The following LPP variants were observed in gnomAD, a reference collection of about 807,000 sequenced individuals.
The protein encoded by LPP is LIM domain containing preferred translocation partner in lipoma.
In LPP, 38 loss-of-function variants were observed where a neutral mutation model predicts 60.4. That is an observed-to-expected ratio of 0.63 (90% CI 0.49 to 0.83). The LOEUF is 0.83. LPP is among the 40% of genes least tolerant of loss of function. LPP has a pLI of 0.00. For synonymous variants in LPP, 328 were observed against 290.8 expected, an observed-to-expected ratio of 1.13 and a Z score of -1.30; for missense variants, 902 against 783.6, an observed-to-expected ratio of 1.15 and a Z score of -1.80.
chr3:188,457,534 C>A (rs1413080853), intron 4 of LPP, among the ~76,000 whole-genome samples: 3 of 151,866 alleles, frequency 2.0e-5, no homozygotes, highest in African/African-American at 7.3e-5. Flanking sequence ...TGAAATGCTC[C>A]CATGTTTGGA....
At chr3:188,328,112 C>G (rs1758950843) in intron 2 of LPP, among the ~76,000 whole-genome samples, 1 of 152,102 alleles carries the variant, frequency 6.6e-6, no homozygotes, top group African/African-American at 2.4e-5. Flanking sequence ...TGTGGATTTT[C>G]TTCTTTGATA....
intron 8 of LPP, chr3:188,708,901 T>C (rs1345229398): frequency 6.4e-6 from 1 of 155,644 alleles, no homozygotes; most frequent in Non-Finnish European, 1.4e-5. Context: ...TTTTGTTTTT[T>C]GTTTTAAAAA....
rs151294424 is a variant in LPP at position 188,470,658 on chromosome 3, C to T, written c.194-13934C>T. Among the ~76,000 whole-genome samples the T allele has an allele frequency of 3.1e-3, 473 of 152,090 alleles. 2 individuals are homozygous for T. The highest frequency in any genetic ancestry group is 5.8e-3 in the Non-Finnish European group (391 of 67,988). On this transcript the variant is annotated intron_variant, in intron 4 of 11. Transcript: ENST00000617246. Reference sequence around the variant, plus strand: ...AGGGCTGAAGGTGGGAAGATGCTTTCGTCTGGTGGCAAAGGATAGTAGTGT... The same window carrying T: ...AGGGCTGAAGGTGGGAAGATGCTTTTGTCTGGTGGCAAAGGATAGTAGTGT...
intron 7 of LPP, among the ~76,000 whole-genome samples, chr3:188,657,411 G>A (rs1202240150): frequency 4.6e-5 from 7 of 151,666 alleles, no homozygotes; most frequent in Non-Finnish European, 7.4e-5. Context: ...TTGCCCTTAT[G>A]TTATTTGCTA....
intron 7 of LPP, among the ~76,000 whole-genome samples, chr3:188,655,683 G>T (rs1244374202): frequency 6.6e-6 from 1 of 152,152 alleles, no homozygotes; most frequent in Non-Finnish European, 1.5e-5. Flanking sequence ...TTAAATTTCA[G>T]AAGTTCAATG....
At chr3:188,813,199 T>A (rs933359053) in intron 9 of LPP, among the ~76,000 whole-genome samples, 1 of 152,188 alleles carries the variant, frequency 6.6e-6, no homozygotes, top group Non-Finnish European at 1.5e-5. Flanking sequence ...CATGTATATT[T>A]TTATATATGA....
intron 2 of LPP, among the ~76,000 whole-genome samples, chr3:188,337,932 G>T (rs1430782817): frequency 6.6e-6 from 1 of 152,224 alleles, no homozygotes; most frequent in African/African-American, 2.4e-5. Context: ...AAAGTCCAGT[G>T]CTGGAGATTT....
At position 188,754,534 on chromosome 3, in the gene LPP, A is replaced by C. The variant is rs34631447; in HGVS notation, c.1241-5579A>C. Among the ~76,000 whole-genome samples the C allele has an allele frequency of 6.5e-3, 981 of 151,988 alleles. 10 individuals are homozygous for C. Among genetic ancestry groups the C allele is most frequent in the African/African-American group, 0.023 (945 of 41,452 alleles). ...AAGCAGGACAGAAATAGGCACCCCC[A>C]GAACACTGAGTTTGACTTGACTCAA... On this transcript the variant is annotated intron_variant, in intron 8 of 11. Transcript: ENST00000617246.
At chr3:188,458,370 G>A (rs1234964462) in intron 4 of LPP, among the ~76,000 whole-genome samples, 1 of 152,166 alleles carries the variant, frequency 6.6e-6, no homozygotes, top group Non-Finnish European at 1.5e-5. Flanking sequence ...CATGAGCATA[G>A]TGCATTTTAA....
intron 7 of LPP, among the ~76,000 whole-genome samples, chr3:188,644,837 G>A (rs111827145): frequency 0.032 from 4,836 of 152,262 alleles, 250 homozygotes; most frequent in African/African-American, 0.11. Context: ...TTACAAGGTA[G>A]CTGTGGCTTG....
At chr3:188,297,670 A>C (rs1181653096) in intron 2 of LPP, among the ~76,000 whole-genome samples, 14 of 152,234 alleles carry the variant, frequency 9.2e-5, no homozygotes, top group Non-Finnish European at 1.9e-4. Context: ...TGAAGAAACT[A>C]TTAATACAAA....
chr3:188,426,762 T>C (rs1018640096), intron 4 of LPP, among the ~76,000 whole-genome samples: 2 of 152,182 alleles, frequency 1.3e-5, no homozygotes, highest in African/African-American at 4.8e-5. Flanking sequence ...TATCAGAGAC[T>C]AGGATTGCAA....
chr3:188,354,696 T>G (rs1766985254), intron 3 of LPP, among the ~76,000 whole-genome samples: 1 of 152,240 alleles, frequency 6.6e-6, no homozygotes, highest in Non-Finnish European at 1.5e-5. Context: ...TGGGCACTCT[T>G]GTAAACTTTC....
intron 3 of LPP, among the ~76,000 whole-genome samples, chr3:188,353,636 A>G (rs1766621179): frequency 6.6e-6 from 1 of 152,158 alleles, no homozygotes; most frequent in African/African-American, 2.4e-5. Context: ...TACTTCATTG[A>G]CAGTGGTTCA....
chr3:188,791,431 TTC>T (rs997993222), intron 9 of LPP, among the ~76,000 whole-genome samples: 6 of 152,002 alleles, frequency 3.9e-5, no homozygotes, highest in African/African-American at 1.2e-4. Context: ...CTTCACATGT[TTC>T]TGTTTCTCTT....
chr3:188,366,026 G>C (rs2151001301), intron 3 of LPP, among the ~76,000 whole-genome samples: 1 of 152,240 alleles, frequency 6.6e-6, no homozygotes, highest in Non-Finnish European at 1.5e-5. Context: ...ATCTCCCTTT[G>C]ACCAAGAACC....
intron 6 of LPP, among the ~76,000 whole-genome samples, chr3:188,580,901 G>A (rs1253374178): frequency 2.6e-5 from 4 of 152,026 alleles, no homozygotes; most frequent in Admixed American, 6.6e-5. Context: ...TTGCCACAAT[G>A]AGAATTCCTT....
At position 188,610,362 on chromosome 3, in the gene LPP, G is replaced by C. The variant is rs1175886742; in HGVS notation, c.1113+518G>C. Among the ~76,000 whole-genome samples, 3 of 152,174 alleles carry C rather than the reference G, an allele frequency of 2.0e-5. No individual in the cohort carries two copies. The highest frequency in any genetic ancestry group is 4.4e-5 in the Non-Finnish European group (3 of 68,044). On this transcript the variant is annotated intron_variant, in intron 7 of 11. Coordinates refer to ENST00000617246, the MANE Select transcript of LPP (RefSeq NM_001375462.1). This position sits in a 1 kb window ranked among gnomAD's most constrained non-coding sequence, Gnocchi z 4.4. ...AGGCGATTATAACTCCCGCAATGTT[G>C]GTACCACAGCGGTTGCTGGGCCAGA...
At chr3:188,745,635 T>C (rs564532983) in intron 8 of LPP, among the ~76,000 whole-genome samples, 47 of 152,294 alleles carry the variant, frequency 3.1e-4, no homozygotes, top group Non-Finnish European at 6.3e-4. Flanking sequence ...AATACATCTT[T>C]CAAACTTTAA....
Sources: allele counts gnomAD v4.1 joint callset (sites outside exome capture counted in the v4.1 genomes callset), GRCh38; gene constraint gnomAD v4.1.1; non-coding constraint Gnocchi (gnomAD v3.1); transcripts MANE v1.5; gene names NCBI Gene and HGNC (gene_info 2026-07-23, HGNC 2026-07-21).